Variants in CSMD1 observed in about 807,000 individuals in gnomAD.
The protein encoded by CSMD1 is CUB and sushi domain-containing protein 1.
Under a neutral mutation model 417.5 loss-of-function variants are expected in CSMD1, and 213 were observed. The ratio of observed to expected loss-of-function variants is 0.51; its 90% CI spans 0.46 to 0.57. The LOEUF (loss-of-function observed/expected upper bound fraction) is 0.57, where lower values mean the gene tolerates loss of function less well. CSMD1 is among the 20% of genes least tolerant of loss of function. CSMD1 has a pLI of 0.00. For missense variants in CSMD1, 6,923 were observed against 4,529.7 expected, an observed-to-expected ratio of 1.53 and a Z score of -15.17; for synonymous variants, 2,862 against 1,736.8, an observed-to-expected ratio of 1.65 and a Z score of -16.11.
chr8:4,092,641 A>G (rs1447050627), intron 3 of CSMD1, among the ~76,000 whole-genome samples: 1 of 152,226 alleles, frequency 6.6e-6, no homozygotes, highest in Non-Finnish European at 1.5e-5. Context: ...TTAAGAATGT[A>G]TTAAATCATT....
At chr8:3,708,531 G>A (rs779592448) in intron 6 of CSMD1, 40 bp from the exon 7 acceptor site, 14 of 1,564,888 alleles carry the variant, frequency 8.9e-6, no homozygotes, top group Non-Finnish European at 1.2e-5. Flanking sequence ...GGTAAGACTT[G>A]GAGATCATAA....
At position 4,610,101 on chromosome 8, in the gene CSMD1, C is replaced by G. The variant is rs141630191; in HGVS notation, c.302+27241G>C. The stretch of plus-strand genomic sequence containing the variant: ...AGGATGCTCCCCTACCTCTATTTCT[C>G]TCCTTTTCAGGGAAAGGGTGTCATT... On this transcript the variant is annotated intron_variant, in intron 2 of 69. Transcript: ENST00000635120. Among the ~76,000 whole-genome samples the G allele has an allele frequency of 7.1e-3, 1,078 of 151,730 alleles. 9 individuals are homozygous for G. The highest frequency in any genetic ancestry group is 0.069 in the Middle Eastern group (20 of 288).
chr8:4,183,297 A>G (rs1030869264), intron 3 of CSMD1, among the ~76,000 whole-genome samples: 1 of 152,170 alleles, frequency 6.6e-6, no homozygotes. Flanking sequence ...ACACTACAGA[A>G]TCAGCAATTA....
intron 7 of CSMD1, among the ~76,000 whole-genome samples, chr8:3,690,911 A>G (rs1800200667): frequency 6.6e-6 from 1 of 152,238 alleles, no homozygotes. Context: ...AACAACAAAT[A>G]AATTGAATAA....
chr8:4,380,651 G>A (rs1024095983), intron 3 of CSMD1, among the ~76,000 whole-genome samples: 1 of 152,134 alleles, frequency 6.6e-6, no homozygotes. Context: ...GTCAATATCA[G>A]TTCATTAATT....
chr8:3,315,844 A>T (rs1394943220), intron 23 of CSMD1, among the ~76,000 whole-genome samples: 1 of 152,214 alleles, frequency 6.6e-6, no homozygotes, highest in Non-Finnish European at 1.5e-5. Context: ...AATCATACCT[A>T]AGAATTTAAT....
At chr8:3,019,376 G>T (rs1038648933) in intron 51 of CSMD1, among the ~76,000 whole-genome samples, 1 of 152,098 alleles carries the variant, frequency 6.6e-6, no homozygotes, top group African/African-American at 2.4e-5. Flanking sequence ...TTACATAGTA[G>T]TAATTACCAG....
At chr8:3,878,867 G>C (rs1229933379) in intron 5 of CSMD1, among the ~76,000 whole-genome samples, 1 of 152,108 alleles carries the variant, frequency 6.6e-6, no homozygotes, top group African/African-American at 2.4e-5. Flanking sequence ...ATAATAAACT[G>C]ACTGAGCTTA....
intron 3 of CSMD1, among the ~76,000 whole-genome samples, chr8:4,147,860 G>A (rs190558371): frequency 6.6e-6 from 1 of 152,098 alleles, no homozygotes. Context: ...GGAAATGGTA[G>A]CTGAGCTTCA....
intron 23 of CSMD1, among the ~76,000 whole-genome samples, chr8:3,326,005 C>T (rs1339751570): frequency 1.3e-5 from 2 of 152,198 alleles, no homozygotes; most frequent in African/African-American, 4.8e-5. Context: ...TGGTCCTAGA[C>T]TGACATGACC....
chr8:4,969,292 A>T (rs191689533), intron 1 of CSMD1, among the ~76,000 whole-genome samples: 48 of 152,152 alleles, frequency 3.2e-4, no homozygotes, highest in Admixed American at 2.8e-3. Context: ...TTGCTAGGGC[A>T]AAATATTTTA....
intron 3 of CSMD1, among the ~76,000 whole-genome samples, chr8:4,255,184 A>G (rs1803367743): frequency 6.6e-6 from 1 of 152,236 alleles, no homozygotes. Flanking sequence ...TGGAAAGAGC[A>G]TGATGGGTGC....
intron 3 of CSMD1, among the ~76,000 whole-genome samples, chr8:4,356,033 G>T (rs1051141162): frequency 6.6e-6 from 1 of 152,036 alleles, no homozygotes; most frequent in African/African-American, 2.4e-5. Flanking sequence ...CTGGTGTTTG[G>T]GAGATCCTGG....
intron 10 of CSMD1, among the ~76,000 whole-genome samples, chr8:3,531,683 G>T (rs934435063): frequency 6.6e-6 from 1 of 152,130 alleles, no homozygotes; most frequent in Non-Finnish European, 1.5e-5. Context: ...GATAATGAGG[G>T]CAAAGAGTCC....
At position 3,859,506 on chromosome 8, in the gene CSMD1, T is replaced by G. The variant is rs925154726; in HGVS notation, c.819-105464A>C. Among the ~76,000 whole-genome samples, 14 of 152,198 alleles carry G rather than the reference T, an allele frequency of 9.2e-5. 1 individual carries two copies. The highest frequency in any genetic ancestry group is 1.9e-4 in the Non-Finnish European group (13 of 68,044). On this transcript the variant is annotated intron_variant, in intron 5 of 69. Transcript: ENST00000635120. ...TCTTTGCCATACTTATATCTTCGTT[T>G]ACAGCAGGAGCTGGCCACAGTTGGA...
At chr8:2,953,838 G>A (rs985843168) in intron 65 of CSMD1, among the ~76,000 whole-genome samples, 1 of 152,212 alleles carries the variant, frequency 6.6e-6, no homozygotes, top group Non-Finnish European at 1.5e-5. Context: ...AACAACTTAT[G>A]CTGTGAAAAT....
intron 3 of CSMD1, among the ~76,000 whole-genome samples, chr8:4,197,639 G>A (rs1799415946): frequency 6.6e-6 from 1 of 152,202 alleles, no homozygotes; most frequent in Non-Finnish European, 1.5e-5. Flanking sequence ...AGCATTTTGG[G>A]AGGCCGAGGC....
At chr8:3,251,328 C>G (rs1302080123) in intron 26 of CSMD1, among the ~76,000 whole-genome samples, 1 of 152,182 alleles carries the variant, frequency 6.6e-6, no homozygotes, top group African/African-American at 2.4e-5. Flanking sequence ...GGAATCCTTT[C>G]CCCATTGCTT....
intron 12 of CSMD1, among the ~76,000 whole-genome samples, chr8:3,410,549 T>C (rs562642767): frequency 1.1e-3 from 169 of 152,320 alleles, no homozygotes; most frequent in African/African-American, 3.8e-3. Flanking sequence ...TCTCTTTGCC[T>C]GCTGCCATCA....
Sources: allele counts gnomAD v4.1 joint callset (sites outside exome capture counted in the v4.1 genomes callset), GRCh38; gene constraint gnomAD v4.1.1; transcripts MANE v1.5; gene names NCBI Gene and HGNC (gene_info 2026-07-23, HGNC 2026-07-21).